PRRC2C: variants seen among roughly 807,000 people sequenced by gnomAD.
PRRC2C encodes proline rich coiled-coil 2C.
A neutral mutation model predicts 317.2 loss-of-function variants in PRRC2C; 72 were observed. The observed-to-expected ratio is 0.23, with a 90% confidence interval of 0.19 to 0.28. The LOEUF (loss-of-function observed/expected upper bound fraction) is 0.28. Among genes scored for constraint, PRRC2C ranks in the 10% least tolerant of loss-of-function variants. The pLI is 1.00. For synonymous variants in PRRC2C, 1,296 were observed against 1,205.9 expected (o/e 1.07, Z -1.55); for missense variants, 3,074 against 3,459.7 (o/e 0.89, Z 2.80).
At chr1:171,520,065 C>G (rs1361981952) in intron 6 of PRRC2C, among the ~76,000 whole-genome samples, 1 of 152,138 alleles carries the variant, frequency 6.6e-6, no homozygotes, top group East Asian at 1.9e-4. Flanking sequence ...CAGGTTCAAG[C>G]GATTCTCCCG....
chr1:171,524,905 A>T lies in PRRC2C; in HGVS notation c.1140A>T (p.Gln380His). ...TTTCCAACACTAAATCATCTTCCCA[A>T]ATACCTGCCCAACCATCAGTAGCAA... ...DEVSNTKSSSQIPAQPSVAKV... is the reference protein window; with the variant it reads ...DEVSNTKSSSHIPAQPSVAKV... The change falls in exon 10 of 35, where the codon CAA becomes CAT. Residue 380 changes from glutamine (Q) to histidine (H), a missense_variant. This residue lies in a region of PRRC2C where 1,320 missense variants were observed against 1,395.7 expected (regional missense o/e 0.95). Transcript: ENST00000647382. The T allele has an allele frequency of 6.2e-7, 1 of 1,611,590 alleles. No homozygotes were observed. Among genetic ancestry groups the T allele is most frequent in the Non-Finnish European group, 8.5e-7 (1 of 1,178,634 alleles).
intron 1 of PRRC2C, among the ~76,000 whole-genome samples, chr1:171,503,010 C>T (rs779354704): frequency 2.0e-5 from 3 of 152,150 alleles, no homozygotes; most frequent in Admixed American, 6.5e-5. Context: ...GCATGAGCCA[C>T]CGCGCCAAGC....
chr1:171,553,007 T>C (rs563400135), intron 18 of PRRC2C, among the ~76,000 whole-genome samples: 12 of 152,354 alleles, frequency 7.9e-5, no homozygotes, highest in Admixed American at 4.6e-4. Flanking sequence ...CCTCTTTTTC[T>C]GTTGATTGGA....
At chr1:171,576,574 T>G (rs1234598441) in intron 25 of PRRC2C, among the ~76,000 whole-genome samples, 2 of 152,246 alleles carry the variant, frequency 1.3e-5, no homozygotes, top group Non-Finnish European at 2.9e-5. Flanking sequence ...ACCTAAGTTT[T>G]ATAATTCTAT....
chr1:171,584,255 AT>A (rs1490090562), intron 29 of PRRC2C, 68 bp downstream of exon 29: 6 of 1,437,176 alleles, frequency 4.2e-6, no homozygotes, highest in Non-Finnish European at 5.7e-6. Flanking sequence ...TTAAGGAAAC[AT>A]TTTTAAAAGA....
rs144652187 is a variant in PRRC2C at position 171,582,412 on chromosome 1, G to A, written c.7410-1544G>A. The stretch of plus-strand genomic sequence containing the variant: ...TTCTCTGCCTCTTTTCTTGATTTCT[G>A]AGCTAATTAGAGTGCATCCAAGTAT... On this transcript the variant is annotated intron_variant, in intron 28 of 34. Coordinates refer to ENST00000647382, the MANE Select transcript of PRRC2C (RefSeq NM_001387844.1). 1.7e-3 allele frequency among the ~76,000 whole-genome samples: 266 copies of A among 152,164 alleles called. 2 individuals carry two copies. Among genetic ancestry groups the A allele is most frequent in the African/African-American group, 6.0e-3 (250 of 41,506 alleles).
chr1:171,531,370 A>G (rs1405518364), intron 11 of PRRC2C, among the ~76,000 whole-genome samples: 1 of 152,210 alleles, frequency 6.6e-6, no homozygotes, highest in African/African-American at 2.4e-5. Context: ...AGGCACTAAT[A>G]TATTTGGTTT....
At chr1:171,571,591 CCACTA>C (rs1448534657) in intron 24 of PRRC2C, among the ~76,000 whole-genome samples, 170 bp downstream of exon 24, 1 of 152,132 alleles carries the variant, frequency 6.6e-6, no homozygotes, top group African/African-American at 2.4e-5. Context: ...GCTTCTGATA[CCACTA>C]AGTGGTGACG....
At chr1:171,538,229 C>T (rs190421221) in intron 15 of PRRC2C, among the ~76,000 whole-genome samples, 6 of 152,266 alleles carry the variant, frequency 3.9e-5, no homozygotes, top group Non-Finnish European at 7.4e-5. Flanking sequence ...GACTGCCTTA[C>T]CTCCCAAAGT....
chr1:171,561,534 G>T (rs1199933576), intron 20 of PRRC2C, among the ~76,000 whole-genome samples: 1 of 152,184 alleles, frequency 6.6e-6, no homozygotes, highest in African/African-American at 2.4e-5. Context: ...CATGTCCATA[G>T]TTCATGACTT....
At chr1:171,543,784 AT>A (rs551932055) in intron 16 of PRRC2C, among the ~76,000 whole-genome samples, 333 of 152,308 alleles carry the variant, frequency 2.2e-3, no homozygotes, top group African/African-American at 7.7e-3. Context: ...AAAGAAATGT[AT>A]TTCTTGCAAA....
intron 18 of PRRC2C, among the ~76,000 whole-genome samples, chr1:171,555,229 T>TA (rs1297056769): frequency 2.0e-5 from 3 of 152,254 alleles, no homozygotes; most frequent in African/African-American, 7.2e-5. Flanking sequence ...CAGTCACTGA[T>TA]ACACTTTCTT....
rs2102825681 is a variant in PRRC2C at position 171,579,905 on chromosome 1, G to A, written c.7350G>A (p.Gly2450=). 6.3e-7 allele frequency: 1 copy of A among 1,598,200 alleles called. No homozygotes were observed. Among genetic ancestry groups the A allele is most frequent in the Non-Finnish European group, 8.5e-7 (1 of 1,173,822 alleles). ...QGQHQAQLSL[G]AGPAVSQAQE... ...AGCATCAAGCCCAACTGAGTTTGGG[G>A]GCTGGCCCTGCTGTTTCCCAGGCTC... is the stretch of plus-strand genomic sequence containing the variant. The change falls in exon 28 of 35, where the codon GGG becomes GGA. Residue 2450 remains glycine, a synonymous_variant. Coordinates refer to ENST00000647382, the MANE Select transcript of PRRC2C (RefSeq NM_001387844.1).
chr1:171,488,779 A>G lies in PRRC2C; in HGVS notation c.-58+3044A>G, dbSNP rs1000849203. Among the ~76,000 whole-genome samples the G allele has an allele frequency of 1.8e-4, 28 of 152,268 alleles. 1 individual carries two copies. The highest frequency in any genetic ancestry group is 6.8e-3 in the Middle Eastern group (2 of 294). ...AATTTTTATCTGATTGGCAGACATGATTAACTAGACTCTTAGACTGTTAAC... is the reference window on the plus strand; with the variant it reads ...AATTTTTATCTGATTGGCAGACATGGTTAACTAGACTCTTAGACTGTTAAC... On this transcript the variant is annotated intron_variant, in intron 1 of 34. Coordinates refer to ENST00000647382, the MANE Select transcript of PRRC2C (RefSeq NM_001387844.1).
At chr1:171,535,404 A>G (rs749476249) in intron 12 of PRRC2C, 24 bp from the exon 13 acceptor site, 4 of 1,600,322 alleles carry the variant, frequency 2.5e-6, no homozygotes, top group Non-Finnish European at 3.4e-6. Context: ...GAATACTATT[A>G]CCTTTCACCT....
intron 30 of PRRC2C, 25 bp downstream of exon 30, chr1:171,584,551 C>T (rs1177743679): frequency 1.3e-6 from 2 of 1,518,856 alleles, no homozygotes; most frequent in Non-Finnish European, 8.8e-7. Context: ...GGTAAATTTC[C>T]TCAATTTTCT....
chr1:171,564,788 T>A (rs1011609694), intron 20 of PRRC2C, among the ~76,000 whole-genome samples: 2 of 152,234 alleles, frequency 1.3e-5, no homozygotes, highest in African/African-American at 4.8e-5. Context: ...ATTATAATTT[T>A]ATGGAACCAC....
At position 171,512,170 on chromosome 1, in the gene PRRC2C, G is replaced by A; in HGVS notation, c.82G>A (p.Gly28Arg). The change falls in exon 2 of 35, where the codon GGG becomes AGG. Residue 28 changes from glycine (G) to arginine (R), a missense_variant. By Grantham distance (125) the Gly-to-Arg change is moderately radical. Transcript: ENST00000647382. ...ATLSLFNTYK[G>R]KSLETQKTTV... ...ACTCAGTTTATTTAATACTTACAAG[G>A]GGAAATCATTAGAAACACAGAAAAC... is the stretch of plus-strand genomic sequence containing the variant. 3.8e-6 allele frequency: 6 copies of A among 1,577,066 alleles called. No individual in the cohort carries two copies. Among genetic ancestry groups the A allele is most frequent in the Non-Finnish European group, 5.2e-6 (6 of 1,160,196 alleles).
chr1:171,535,407 T>A (rs1039497284), intron 12 of PRRC2C, 21 bp from the exon 13 acceptor site: 1 of 1,604,824 alleles, frequency 6.2e-7, no homozygotes, highest in Non-Finnish European at 8.5e-7. Flanking sequence ...TACTATTACC[T>A]TTCACCTTTT....
Sources: gnomAD v4.1 joint callset for allele counts (sites outside exome capture counted in the v4.1 genomes callset) on GRCh38, gnomAD v4.1.1 for gene constraint, gnomAD v4.1.1 regional missense constraint, MANE v1.5 for transcripts, NCBI Gene and HGNC (gene_info 2026-07-23, HGNC 2026-07-21) for gene names.